BNIP5: variants seen among roughly 807,000 people sequenced by gnomAD.
BNIP5 encodes the protein BCL2 interacting protein 5.
Under a neutral mutation model 67.3 loss-of-function variants are expected in BNIP5, and 61 were observed. The observed-to-expected ratio is 0.91, with a 90% confidence interval of 0.74 to 1.12. The LOEUF is 1.12. BNIP5 is among the 50% of genes most tolerant of loss of function. The pLI is 0.00. For missense variants in BNIP5, 826 were observed against 816.3 expected (o/e 1.01, Z -0.14); for synonymous variants, 317 against 319.0 (o/e 0.99, Z 0.07).
chr6:36,325,976 A>T (rs1771752955), intron 5 of BNIP5, among the ~76,000 whole-genome samples: 1 of 152,154 alleles, frequency 6.6e-6, no homozygotes, highest in African/African-American at 2.4e-5. Context: ...CAGGTCCTTC[A>T]TCTGTAAGGT....
chr6:36,326,790 A>G, intron 4 of BNIP5, 37 bp from the exon 5 acceptor site: 2 of 1,611,488 alleles, frequency 1.2e-6, no homozygotes, highest in South Asian at 1.1e-5. Flanking sequence ...CAGGTTCATG[A>G]CACTGAGAGG....
rs150068380 is a variant in BNIP5, at chr6:36,330,545, T to G, written c.146A>C (p.His49Pro). The change falls in exon 2 of 12, where the codon CAC becomes CCC. Residue 49 changes from histidine to proline, a missense_variant. Coordinates refer to ENST00000437635, the MANE Select transcript of BNIP5 (RefSeq NM_001010903.5). ...LPTAPSRKAL[H>P]WTTSDWARHS... ...TCTGGCCCAATCACTGGTCGTCCAGTGAAGCGCCTTCCTGGAGGGGGCAGT... is the reference window on the plus strand; with the variant it reads ...TCTGGCCCAATCACTGGTCGTCCAGGGAAGCGCCTTCCTGGAGGGGGCAGT... 2,586 of 1,613,980 alleles carry G rather than the reference T, an allele frequency of 1.6e-3. 12 individuals are homozygous for G. Among genetic ancestry groups the G allele is most frequent in the Middle Eastern group, 0.012 (70 of 6,062 alleles).
Position 36,326,992 on chromosome 6 carries a change from CAG to C in BNIP5, c.792+36_792+37del, listed in dbSNP as rs371665704. On this transcript the variant is annotated intron_variant, in intron 4 of 11. Coordinates refer to ENST00000437635, the MANE Select transcript of BNIP5 (RefSeq NM_001010903.5). ...TTGGCAGAGGAGGAGGAGGAGAAGG[CAG>C]AGAGCCCCTGGAGACCTGCAAAGTT... The C allele has an allele frequency of 1.1e-4, 174 of 1,579,716 alleles. No homozygotes were observed. The East Asian group carries it at 3.1e-3, about 28-fold the overall frequency.
chr6:36,322,548 T>C, intron 8 of BNIP5, 106 bp from the exon 9 acceptor site: 1 of 1,282,314 alleles, frequency 7.8e-7, no homozygotes, highest in East Asian at 2.4e-5. Context: ...GTTTCCAGGC[T>C]CCTCGGTGAG....
rs1771522588 is a variant in BNIP5, at chr6:36,316,707, G to A, written c.*649C>T. The A allele has an allele frequency of 2.5e-6, 1 of 398,722 alleles. No individual in the cohort carries two copies. The highest frequency in any genetic ancestry group is 2.1e-5 in the African/African-American group (1 of 48,752). 24.7% of individuals were successfully genotyped at this position (398,722 alleles called of 1,614,324 possible). A position where few individuals can be genotyped will look rare whatever the true frequency, so the allele number is the denominator to read the frequency against. ...GACTCCTAGCCAATCCCATGAGATG[G>A]GAGAGGTGCAAGGTATCAGCTCCAT... On this transcript the variant is annotated 3_prime_UTR_variant, in exon 12 of 12. Transcript: ENST00000437635.
At position 36,317,258 on chromosome 6, in the gene BNIP5, G is replaced by T. The variant is rs1771541421; in HGVS notation, c.*98C>A. ...TCTTGTCTTCCATCACGTTTGTGAA[G>T]CAGGGATTGGGACATCACAGAGCAT... On this transcript the variant is annotated 3_prime_UTR_variant, in exon 12 of 12. Transcript: ENST00000437635. The T allele has an allele frequency of 2.2e-6, 2 of 925,542 alleles. No individual in the cohort carries two copies. Among genetic ancestry groups the T allele is most frequent in the East Asian group, 2.4e-5 (1 of 41,792 alleles). The allele number at this position is 925,542 out of a possible 1,614,324, so 57.3% of individuals were successfully genotyped here.
At chr6:36,321,015 A>T (rs1489917571) in intron 10 of BNIP5, 140 bp downstream of exon 10, 2 of 615,014 alleles carry the variant, frequency 3.3e-6, no homozygotes, top group Non-Finnish European at 5.8e-6. Context: ...ATTCTCTCTC[A>T]TTTTGGAAAA....
chr6:36,328,599 G>T lies in BNIP5; in HGVS notation c.726C>A (p.Asp242Glu). 6.2e-7 allele frequency: 1 copy of T among 1,604,904 alleles called. No homozygotes were observed. The highest frequency in any genetic ancestry group is 8.5e-7 in the Non-Finnish European group (1 of 1,171,558). ...HQQEEELKKPDQDAIIQMIVE... is the reference protein window; with the variant it reads ...HQQEEELKKPEQDAIIQMIVE... ...AGGTCACTAGAGATTCCGACTCACG[G>T]TCAGGCTTTTTGAGCTCCTCTTCTT... is the stretch of plus-strand genomic sequence containing the variant. The change falls in exon 3 of 12, where the codon GAC becomes GAA. Residue 242 changes from aspartate to glutamate, a missense_variant and splice_region_variant. By Grantham distance (45) the Asp-to-Glu change is conservative. Transcript: ENST00000437635.
Position 36,316,419 on chromosome 6 carries a change from A to C in BNIP5, c.*937T>G. ...ACTTCACCTTTGTGCAAATACAAAA[A>C]ATAGCCCTTTTCTCAAGACATGTTA... On this transcript the variant is annotated 3_prime_UTR_variant, in exon 12 of 12. Coordinates refer to ENST00000437635, the MANE Select transcript of BNIP5 (RefSeq NM_001010903.5). 2 of 398,060 alleles carry C rather than the reference A, an allele frequency of 5.0e-6. No homozygotes were observed. The highest frequency in any genetic ancestry group is 6.3e-4 in the Middle Eastern group (1 of 1,588). 24.7% of individuals were successfully genotyped at this position (398,060 alleles called of 1,614,324 possible).
Position 36,329,874 on chromosome 6 carries a change from AAAG to A in BNIP5, c.610+204_610+206del, listed in dbSNP as rs150295777. On this transcript the variant is annotated intron_variant, in intron 2 of 11. Coordinates refer to ENST00000437635, the MANE Select transcript of BNIP5 (RefSeq NM_001010903.5). The stretch of plus-strand genomic sequence containing the variant: ...GAAAGAAAGGAAAGAGAAAAGAGAG[AAAG>A]AAGAAGGAGGAGGAGGAGGAGAGGA... Among the ~76,000 whole-genome samples the A allele has an allele frequency of 5.7e-3, 861 of 150,958 alleles. 19 individuals are homozygous for A. Among genetic ancestry groups the A allele is most frequent in the African/African-American group, 0.019 (793 of 40,964 alleles).
At chr6:36,333,257 C>T (rs1042925102) in intron 1 of BNIP5, among the ~76,000 whole-genome samples, 5 of 152,196 alleles carry the variant, frequency 3.3e-5, no homozygotes, top group African/African-American at 9.7e-5. Flanking sequence ...AGTGTCCACA[C>T]GTGGACGACC....
chr6:36,324,477 C>T (rs577208562), intron 6 of BNIP5, among the ~76,000 whole-genome samples: 131 of 149,590 alleles, frequency 8.8e-4, no homozygotes, highest in Middle Eastern at 3.5e-3. Flanking sequence ...GGCAGAATTT[C>T]CCTTCAAGGC....
intron 6 of BNIP5, among the ~76,000 whole-genome samples, chr6:36,324,783 C>T (rs1488125688): frequency 6.6e-6 from 1 of 150,554 alleles, no homozygotes; most frequent in Non-Finnish European, 1.5e-5. Context: ...TCAAGCTGGG[C>T]CACCCAACAA....
At chr6:36,317,503 CT>C in intron 11 of BNIP5, 112 bp from the exon 12 acceptor site, 1 of 910,112 alleles carries the variant, frequency 1.1e-6, no homozygotes. Context: ...CAGCCTCCAT[CT>C]CTGGGTCTTT....
intron 1 of BNIP5, among the ~76,000 whole-genome samples, chr6:36,335,238 C>T (rs750373622): frequency 6.6e-6 from 1 of 152,192 alleles, no homozygotes; most frequent in African/African-American, 2.4e-5. Flanking sequence ...TTCACCTGGC[C>T]GCGTTACTCT....
intron 7 of BNIP5, 36 bp from the exon 8 acceptor site, chr6:36,323,569 C>T (rs1240850324): frequency 6.2e-7 from 1 of 1,612,064 alleles, no homozygotes; most frequent in Non-Finnish European, 8.5e-7. Context: ...GTCAGGGCCC[C>T]TGACCTTGAG....
rs745625222 is a variant in BNIP5 at position 36,322,299 on chromosome 6, G to T, written c.1603+12C>A. Reference sequence around the variant, plus strand: ...GGGAAGCTGTCCAGGTAAGAGCAGGGGTGTTACTGACTAGATTCACATGCT... The same window carrying T: ...GGGAAGCTGTCCAGGTAAGAGCAGGTGTGTTACTGACTAGATTCACATGCT... On this transcript the variant is annotated intron_variant, in intron 9 of 11. Coordinates refer to ENST00000437635, the MANE Select transcript of BNIP5 (RefSeq NM_001010903.5). The T allele has an allele frequency of 3.7e-6, 6 of 1,613,856 alleles. No homozygotes were observed. The highest frequency in any genetic ancestry group is 5.1e-6 in the Non-Finnish European group (6 of 1,179,936).
chr6:36,330,297 G>A lies in BNIP5; in HGVS notation c.394C>T (p.His132Tyr). Residue 132 changes from histidine to tyrosine, a missense_variant, in exon 2 of 12, where the codon CAT becomes TAT. Transcript: ENST00000437635. ...RPRGKEGISQHPEPLEAAGEP... is the reference protein window; with the variant it reads ...RPRGKEGISQYPEPLEAAGEP... The stretch of plus-strand genomic sequence containing the variant: ...CCTGCTGCTTCCAGGGGCTCCGGAT[G>A]CTGGGAGATACCCTCCTTCCCCCTT... The A allele has an allele frequency of 1.9e-6, 3 of 1,614,202 alleles. No individual in the cohort carries two copies. Among genetic ancestry groups the A allele is most frequent in the Non-Finnish European group, 2.5e-6 (3 of 1,180,036 alleles).
intron 11 of BNIP5, among the ~76,000 whole-genome samples, chr6:36,317,944 C>T (rs1348932255): frequency 6.6e-6 from 1 of 152,166 alleles, no homozygotes; most frequent in African/African-American, 2.4e-5. Context: ...TTACCTAAGC[C>T]ACCCTAGAGG....
Sources: allele counts gnomAD v4.1 joint callset (sites outside exome capture counted in the v4.1 genomes callset), GRCh38; gene constraint gnomAD v4.1.1; transcripts MANE v1.5; gene names NCBI Gene and HGNC (gene_info 2026-07-23, HGNC 2026-07-21).